Variants in RAPGEF4 observed in about 807,000 individuals in gnomAD.
The protein encoded by RAPGEF4 is Rap guanine nucleotide exchange factor 4.
RAPGEF4 carries 66 observed loss-of-function variants against 147.9 expected under a neutral mutation model. The observed-to-expected ratio is 0.45, with a 90% CI of 0.37 to 0.55. RAPGEF4 has a LOEUF of 0.55. RAPGEF4 is among the 20% of genes least tolerant of loss of function. The pLI, the probability that RAPGEF4 is intolerant of heterozygous loss-of-function variation, is 0.00. For synonymous variants in RAPGEF4, 419 were observed against 442.7 expected, an observed-to-expected ratio of 0.95 and a Z score of 0.67; for missense variants, 1,071 against 1,257.3, an observed-to-expected ratio of 0.85 and a Z score of 2.24.
At chr2:172,755,844 A>C (rs929640809) in intron 1 of RAPGEF4, among the ~76,000 whole-genome samples, 7 of 152,208 alleles carry the variant, frequency 4.6e-5, no homozygotes, top group Non-Finnish European at 8.8e-5. Flanking sequence ...TGGCATCAGT[A>C]AAGTCCACAG....
chr2:172,921,621 A>G (rs1684771282), intron 5 of RAPGEF4, among the ~76,000 whole-genome samples: 1 of 152,198 alleles, frequency 6.6e-6, no homozygotes, highest in Admixed American at 6.5e-5. Flanking sequence ...ACCAGGGGAG[A>G]AGCCTGAAGG....
At position 172,967,461 on chromosome 2, in the gene RAPGEF4, G is replaced by A; in HGVS notation, c.1004+17G>A. ...TCGCAAACCGTGAGTGAGAGCTCGT[G>A]GCTCACCCCTCCAGGTCCCAAGGCC... is the stretch of plus-strand genomic sequence containing the variant. On this transcript the variant is annotated intron_variant, in intron 10 of 30. Coordinates refer to ENST00000397081, the MANE Select transcript of RAPGEF4 (RefSeq NM_007023.4). The A allele has an allele frequency of 6.2e-7, 1 of 1,605,162 alleles. No homozygotes were observed. The highest frequency in any genetic ancestry group is 8.5e-7 in the Non-Finnish European group (1 of 1,176,166).
At chr2:172,755,600 T>C (rs1356411604) in intron 1 of RAPGEF4, among the ~76,000 whole-genome samples, 1 of 152,166 alleles carries the variant, frequency 6.6e-6, no homozygotes, top group African/African-American at 2.4e-5. Context: ...TTCACCGTGT[T>C]GGCCAGGTTT....
At position 172,967,264 on chromosome 2, in the gene RAPGEF4, A is replaced by G. The variant is rs1392535423; in HGVS notation, c.824A>G (p.Asp275Gly). The G allele has an allele frequency of 3.7e-6, 6 of 1,611,406 alleles. No individual in the cohort carries two copies. The Admixed American group carries it at 1.0e-4, about 27-fold the overall frequency. The stretch of plus-strand genomic sequence containing the variant: ...CGTGCTTCCATGTTTCCCATAGTGG[A>G]CCAGGAGCACCATTTCCAAGACAAA... The part of the protein sequence containing the change: ...LLEDGVLNHV[D>G]QEHHFQDKYL... Residue 275 changes from aspartate to glycine, a missense_variant, in exon 10 of 31, where the codon GAC becomes GGC. Transcript: ENST00000397081.
intron 4 of RAPGEF4, among the ~76,000 whole-genome samples, chr2:172,894,881 A>C (rs1174685377): frequency 1.3e-5 from 2 of 152,176 alleles, no homozygotes; most frequent in African/African-American, 4.8e-5. Context: ...TAACTTGGGC[A>C]GTGAACATTG....
intron 4 of RAPGEF4, among the ~76,000 whole-genome samples, chr2:172,885,936 T>C (rs1242034170): frequency 6.6e-6 from 1 of 152,172 alleles, no homozygotes; most frequent in Non-Finnish European, 1.5e-5. Flanking sequence ...GTGCCCTGAG[T>C]GCCATGGCTG....
intron 1 of RAPGEF4, among the ~76,000 whole-genome samples, chr2:172,780,956 T>C (rs572510928): frequency 4.7e-4 from 72 of 152,286 alleles, no homozygotes; most frequent in Admixed American, 1.4e-3. Context: ...TTCACTTCTT[T>C]CATATTCATA....
intron 1 of RAPGEF4, among the ~76,000 whole-genome samples, chr2:172,756,918 G>A (rs1248927611): frequency 6.6e-6 from 1 of 152,330 alleles, no homozygotes; most frequent in Non-Finnish European, 1.5e-5. Flanking sequence ...TTTTCCAGAC[G>A]TGTGCCTTCT....
At chr2:172,931,988 AC>A (rs574916104) in intron 6 of RAPGEF4, among the ~76,000 whole-genome samples, 1,586 of 62,130 alleles carry the variant, frequency 0.026, 15 homozygotes, top group Non-Finnish European at 0.036. Flanking sequence ...TGCGCCCCCC[AC>A]CCCCACCCCC....
chr2:172,845,709 A>G (rs1383844194), intron 4 of RAPGEF4, among the ~76,000 whole-genome samples: 1 of 152,240 alleles, frequency 6.6e-6, no homozygotes, highest in Non-Finnish European at 1.5e-5. Flanking sequence ...GACATTTACC[A>G]TTTTAACCAT....
chr2:172,789,515 G>A (rs904880980), intron 1 of RAPGEF4, among the ~76,000 whole-genome samples: 2 of 152,252 alleles, frequency 1.3e-5, no homozygotes, highest in South Asian at 4.1e-4. Context: ...TTTAAGTGTA[G>A]GATATATTTT....
chr2:172,984,283 G>A (rs928106967), intron 11 of RAPGEF4, among the ~76,000 whole-genome samples: 2 of 152,118 alleles, frequency 1.3e-5, no homozygotes, highest in Non-Finnish European at 2.9e-5. Flanking sequence ...TATATACTGA[G>A]GTCCCTAAGA....
At chr2:172,824,480 G>A (rs1256494484) in intron 4 of RAPGEF4, among the ~76,000 whole-genome samples, 7 of 152,216 alleles carry the variant, frequency 4.6e-5, no homozygotes, top group Non-Finnish European at 7.3e-5. Context: ...ACAAGTCTGT[G>A]TTGAATTTCC....
intron 4 of RAPGEF4, among the ~76,000 whole-genome samples, chr2:172,866,517 T>G (rs556575476): frequency 1.3e-5 from 2 of 152,288 alleles, no homozygotes; most frequent in Non-Finnish European, 2.9e-5. Context: ...TCTTCTGACT[T>G]TGGGAGAAAT....
At chr2:172,906,145 G>C (rs1366876061) in intron 4 of RAPGEF4, among the ~76,000 whole-genome samples, 2 of 152,192 alleles carry the variant, frequency 1.3e-5, no homozygotes, top group African/African-American at 4.8e-5. Flanking sequence ...GAAAAAAAGG[G>C]TCTAAACATT....
chr2:172,845,805 C>G (rs1211305539), intron 4 of RAPGEF4, among the ~76,000 whole-genome samples: 1 of 152,164 alleles, frequency 6.6e-6, no homozygotes, highest in Non-Finnish European at 1.5e-5. Flanking sequence ...TTTTTCATCA[C>G]CCCATTAAGG....
At position 172,935,743 on chromosome 2, in the gene RAPGEF4, G is replaced by A. The variant is rs569235325; in HGVS notation, c.537+13443G>A. Among the ~76,000 whole-genome samples, 20 of 152,284 alleles carry A rather than the reference G, an allele frequency of 1.3e-4. No individual in the cohort carries two copies. In the South Asian group the frequency reaches 2.7e-3, roughly 21 times the overall value. ...TCAGAATCAAATTTTCTTTTGCACC[G>A]TCTTCTTAACATATATGATGTGGAG... On this transcript the variant is annotated intron_variant, in intron 6 of 30. Transcript: ENST00000397081.
At chr2:172,768,974 C>G (rs1697105379) in intron 1 of RAPGEF4, among the ~76,000 whole-genome samples, 1 of 152,184 alleles carries the variant, frequency 6.6e-6, no homozygotes, top group Admixed American at 6.5e-5. Flanking sequence ...ATGCCACCCA[C>G]AGAAGCACCA....
At chr2:172,814,932 GGCACA>G (rs1414846011) in intron 4 of RAPGEF4, among the ~76,000 whole-genome samples, 2 of 152,206 alleles carry the variant, frequency 1.3e-5, no homozygotes, top group East Asian at 3.8e-4. Flanking sequence ...ATGCATAGGT[GGCACA>G]GCAGTGAATG....
Sources: allele counts gnomAD v4.1 joint callset (sites outside exome capture counted in the v4.1 genomes callset), GRCh38; gene constraint gnomAD v4.1.1; transcripts MANE v1.5; gene names NCBI Gene and HGNC (gene_info 2026-07-23, HGNC 2026-07-21).